LARS2: variants seen among roughly 807,000 people sequenced by gnomAD.
LARS2 encodes leucyl-tRNA synthetase 2, mitochondrial.
Under a neutral mutation model 116.6 loss-of-function variants are expected in LARS2, and 81 were observed. That is an observed-to-expected ratio of 0.69 (90% confidence interval 0.58 to 0.84). LARS2 has a LOEUF of 0.84. Among genes scored for constraint, LARS2 ranks in the 40% least tolerant of loss-of-function variants. LARS2 has a pLI of 0.00. For synonymous variants in LARS2, 396 were observed against 407.2 expected (o/e 0.97, Z 0.33); for missense variants, 968 against 1,114.5 (o/e 0.87, Z 1.87).
At chr3:45,488,245 C>A (rs1186191249) in intron 11 of LARS2, among the ~76,000 whole-genome samples, 1 of 152,078 alleles carries the variant, frequency 6.6e-6, no homozygotes, top group East Asian at 1.9e-4. Context: ...CCAGTCTGGT[C>A]AACATGGCGA....
rs1452524111 is a variant in LARS2 at position 45,516,076 on chromosome 3, G to T, written c.1862-18G>T. On this transcript the variant is annotated intron_variant, in intron 16 of 21. Transcript: ENST00000645846. Reference sequence around the variant, plus strand: ...CACAATGACACATACCATACCTATGGATTATTTTGGCATCTAGGTTCCGTT... The same window carrying T: ...CACAATGACACATACCATACCTATGTATTATTTTGGCATCTAGGTTCCGTT... 12 of 1,608,574 alleles carry T rather than the reference G, an allele frequency of 7.5e-6. No homozygotes were observed. Among genetic ancestry groups the T allele is most frequent in the Non-Finnish European group, 9.4e-6 (11 of 1,175,578 alleles).
chr3:45,536,436 C>T (rs981731904), intron 20 of LARS2, among the ~76,000 whole-genome samples: 2 of 152,206 alleles, frequency 1.3e-5, no homozygotes, highest in Non-Finnish European at 2.9e-5. Flanking sequence ...CCTACACATA[C>T]ACACACACCT....
intron 8 of LARS2, among the ~76,000 whole-genome samples, chr3:45,468,222 T>C (rs1699460734): frequency 1.3e-5 from 2 of 152,224 alleles, no homozygotes; most frequent in African/African-American, 4.8e-5. Flanking sequence ...GATGGTCTTA[T>C]GTTCTTGCAA....
intron 6 of LARS2, among the ~76,000 whole-genome samples, chr3:45,419,941 A>G (rs1256826142): frequency 1.3e-5 from 2 of 152,224 alleles, no homozygotes. Context: ...TTAACTTCCT[A>G]TTTAACTTTG....
intron 15 of LARS2, among the ~76,000 whole-genome samples, chr3:45,503,759 G>A (rs1197318779): frequency 6.6e-6 from 1 of 151,676 alleles, no homozygotes; most frequent in Non-Finnish European, 1.5e-5. Flanking sequence ...AGAAGGAAAG[G>A]GGGGAAATAT....
At chr3:45,510,550 A>C (rs776386547) in intron 15 of LARS2, among the ~76,000 whole-genome samples, 1 of 149,754 alleles carries the variant, frequency 6.7e-6, no homozygotes, top group Non-Finnish European at 1.5e-5. Context: ...AAAACAACTA[A>C]TTCTAATTCT....
chr3:45,417,650 T>A, intron 5 of LARS2, 77 bp downstream of exon 5: 1 of 923,166 alleles, frequency 1.1e-6, no homozygotes, highest in Non-Finnish European at 1.7e-6. Context: ...GCTTAAAAAA[T>A]AGAAAGCAAA....
At chr3:45,526,811 A>T (rs1700537579) in intron 20 of LARS2, among the ~76,000 whole-genome samples, 1 of 152,208 alleles carries the variant, frequency 6.6e-6, no homozygotes, top group Non-Finnish European at 1.5e-5. Flanking sequence ...TTAGGCCAGC[A>T]GATGTTAGTT....
intron 20 of LARS2, among the ~76,000 whole-genome samples, chr3:45,533,141 C>CT (rs3085466): frequency 0.03 from 1,525 of 50,962 alleles, 535 homozygotes; most frequent in African/African-American, 0.084. Context: ...CACATTAAGT[C>CT]TTTTTTTTTT....
At chr3:45,496,110 C>T (rs997494886) in intron 13 of LARS2, among the ~76,000 whole-genome samples, 165 bp from the exon 14 acceptor site, 20 of 152,210 alleles carry the variant, frequency 1.3e-4, no homozygotes, top group Admixed American at 1.3e-3. Context: ...CCACCCACCT[C>T]AGCCTCCCAA....
At chr3:45,474,438 TCCACAGCA>T (rs2125718483) in intron 9 of LARS2, 88 bp downstream of exon 9, 1 of 735,918 alleles carries the variant, frequency 1.4e-6, no homozygotes, top group South Asian at 2.1e-5. Context: ...AACTTGGGAC[TCCACAGCA>T]CCACAGTCCA....
At chr3:45,440,979 T>A (rs1045459016) in intron 6 of LARS2, among the ~76,000 whole-genome samples, 1 of 151,482 alleles carries the variant, frequency 6.6e-6, no homozygotes, top group East Asian at 1.9e-4. Context: ...CTCTGAGTGG[T>A]ACGGTAATGA....
intron 8 of LARS2, among the ~76,000 whole-genome samples, chr3:45,473,947 C>T (rs1038200690): frequency 1.3e-5 from 2 of 152,114 alleles, no homozygotes; most frequent in African/African-American, 4.8e-5. Flanking sequence ...GTACTAGACA[C>T]ACTTGCCAAA....
rs1700897582 is a variant in LARS2, at chr3:45,547,785, C to T, written c.*255C>T. Reference sequence around the variant, plus strand: ...GGACATCCTGCCCCTCACCCCCCACCCACACTGCAGGTAGAGGAGGCCATC... The same window carrying T: ...GGACATCCTGCCCCTCACCCCCCACTCACACTGCAGGTAGAGGAGGCCATC... On this transcript the variant is annotated 3_prime_UTR_variant, in exon 22 of 22. Coordinates refer to ENST00000645846, the MANE Select transcript of LARS2 (RefSeq NM_015340.4). 1 of 396,678 alleles carries T rather than the reference C, an allele frequency of 2.5e-6. No individual in the cohort carries two copies. Among genetic ancestry groups the T allele is most frequent in the Non-Finnish European group, 4.5e-6 (1 of 221,630 alleles). The allele number at this position is 396,678 out of a possible 1,614,324, so 24.6% of individuals were successfully genotyped here.
At chr3:45,476,383 G>A in intron 9 of LARS2, 85 bp from the exon 10 acceptor site, 2 of 1,391,318 alleles carry the variant, frequency 1.4e-6, no homozygotes, top group Non-Finnish European at 1.0e-6. Context: ...GAATGAGGAG[G>A]GAAGGGGAAG....
chr3:45,534,908 A>T (rs1700677151), intron 20 of LARS2, among the ~76,000 whole-genome samples: 1 of 152,200 alleles, frequency 6.6e-6, no homozygotes. Flanking sequence ...CCACATCTGA[A>T]TTCACAAAGT....
intron 20 of LARS2, among the ~76,000 whole-genome samples, chr3:45,535,044 G>T (rs1033786811): frequency 6.6e-6 from 1 of 152,062 alleles, no homozygotes; most frequent in South Asian, 2.1e-4. Context: ...TCCTTTGCTG[G>T]TCAACAGTAA....
intron 17 of LARS2, among the ~76,000 whole-genome samples, chr3:45,517,617 C>T (rs1035022632): frequency 2.6e-5 from 4 of 152,190 alleles, no homozygotes; most frequent in African/African-American, 9.7e-5. Context: ...CAGGGCTCAT[C>T]TTGACCAAGC....
chr3:45,501,652 T>C (rs370912695), intron 15 of LARS2, among the ~76,000 whole-genome samples: 18 of 152,310 alleles, frequency 1.2e-4, no homozygotes, highest in African/African-American at 4.3e-4. Flanking sequence ...TTGCACGTGG[T>C]TCCTGACATA....
Sources: allele counts gnomAD v4.1 joint callset (sites outside exome capture counted in the v4.1 genomes callset), GRCh38; gene constraint gnomAD v4.1.1; transcripts MANE v1.5; gene names NCBI Gene and HGNC (gene_info 2026-07-23, HGNC 2026-07-21).